Variants in AFAP1L2 observed in about 807,000 individuals in gnomAD.
AFAP1L2 encodes the protein actin filament-associated protein 1-like 2.
Under a neutral mutation model 99.3 loss-of-function variants are expected in AFAP1L2, and 46 were observed. The ratio of observed to expected loss-of-function variants is 0.46; its 90% CI spans 0.37 to 0.59. The LOEUF (loss-of-function observed/expected upper bound fraction) is 0.59. Ranked by LOEUF, AFAP1L2 falls within the 20% of genes least tolerant of loss-of-function variation. The pLI, the probability that AFAP1L2 is intolerant of heterozygous loss-of-function variation, is 0.00. For synonymous variants in AFAP1L2, 397 were observed against 419.1 expected, an observed-to-expected ratio of 0.95 and a Z score of 0.64; for missense variants, 959 against 1,034.9, an observed-to-expected ratio of 0.93 and a Z score of 1.01.
intron 1 of AFAP1L2, among the ~76,000 whole-genome samples, chr10:114,379,450 CA>C (rs2055301462): frequency 1.3e-5 from 2 of 152,048 alleles, no homozygotes; most frequent in Admixed American, 1.3e-4. Context: ...ACTATTTTCC[CA>C]TGATAAAAAA....
intron 11 of AFAP1L2, among the ~76,000 whole-genome samples, chr10:114,304,162 CAA>C (rs1277381208): frequency 2.6e-5 from 4 of 152,200 alleles, no homozygotes; most frequent in African/African-American, 9.7e-5. Context: ...ACCTCCACAT[CAA>C]AGACTAAGTG....
intron 4 of AFAP1L2, chr10:114,325,749 T>A (rs1227466587): frequency 1.1e-6 from 1 of 872,650 alleles, no homozygotes; most frequent in Non-Finnish European, 1.5e-6. Flanking sequence ...TGGTACAAGA[T>A]CTTTGCTCTC....
downstream of AFAP1L2, among the ~76,000 whole-genome samples, chr10:114,293,197 T>C (rs1031296035): frequency 6.6e-6 from 1 of 152,226 alleles, no homozygotes; most frequent in Non-Finnish European, 1.5e-5. Context: ...GATACTTTCA[T>C]TGATAACTTT....
chr10:114,294,701 C>T, downstream of AFAP1L2: 1 of 576,198 alleles, frequency 1.7e-6, no homozygotes, highest in Non-Finnish European at 2.2e-6. Flanking sequence ...CTCTTTGATT[C>T]AAGGAGGCTG....
intron 1 of AFAP1L2, among the ~76,000 whole-genome samples, chr10:114,367,446 C>G (rs2053442237): frequency 6.6e-6 from 1 of 152,156 alleles, no homozygotes; most frequent in Admixed American, 6.5e-5. Context: ...TCTCCACTGC[C>G]CACCCCTCCC....
intron 10 of AFAP1L2, among the ~76,000 whole-genome samples, chr10:114,305,506 GAT>G: frequency 7.0e-6 from 1 of 142,342 alleles, no homozygotes; most frequent in African/African-American, 2.6e-5. Flanking sequence ...TGCAGGAGGA[GAT>G]GCAGGAGGGG....
chr10:114,390,880 G>T, intron 1 of AFAP1L2, among the ~76,000 whole-genome samples: 1 of 152,178 alleles, frequency 6.6e-6, no homozygotes, highest in East Asian at 1.9e-4. Flanking sequence ...GGTGGTTTTG[G>T]TTGACCTGCC....
chr10:114,320,075 A>G (rs2044906384), intron 5 of AFAP1L2, among the ~76,000 whole-genome samples: 1 of 152,148 alleles, frequency 6.6e-6, no homozygotes, highest in Non-Finnish European at 1.5e-5. Flanking sequence ...ACACTGAAAT[A>G]CCCGAGTGAG....
intron 5 of AFAP1L2, chr10:114,319,732 A>G (rs141796548): frequency 1.0e-5 from 10 of 998,520 alleles, no homozygotes; most frequent in Non-Finnish European, 1.2e-5. Flanking sequence ...AGACACAAAG[A>G]GAGAGACCCA....
intron 1 of AFAP1L2, among the ~76,000 whole-genome samples, chr10:114,401,321 C>T (rs7069926): frequency 0.14 from 21,222 of 152,114 alleles, 2,011 homozygotes; most frequent in African/African-American, 0.27. Context: ...TGGCCCAGAC[C>T]CACTCACCAG....
chr10:114,336,382 T>A (rs2047978311), intron 2 of AFAP1L2, among the ~76,000 whole-genome samples: 1 of 152,252 alleles, frequency 6.6e-6, no homozygotes, highest in Admixed American at 6.5e-5. Flanking sequence ...GCATTCAGCA[T>A]CAGCACTGTG....
At chr10:114,322,722 C>T (rs77440463) in intron 5 of AFAP1L2, among the ~76,000 whole-genome samples, 1,767 of 152,220 alleles carry the variant, frequency 0.012, 36 homozygotes, top group African/African-American at 0.04. Context: ...CCTGACACAG[C>T]GGGAGCACCA....
intron 1 of AFAP1L2, among the ~76,000 whole-genome samples, chr10:114,343,930 AGAG>A (rs1463459094): frequency 1.3e-5 from 2 of 152,220 alleles, no homozygotes; most frequent in Non-Finnish European, 2.9e-5. Context: ...GAGCCGAACC[AGAG>A]AAGAACGGGA....
At chr10:114,394,570 CAG>C (rs1226049155) in intron 1 of AFAP1L2, among the ~76,000 whole-genome samples, 1 of 151,444 alleles carries the variant, frequency 6.6e-6, no homozygotes, top group African/African-American at 2.4e-5. Context: ...TAGAAAGAAA[CAG>C]AGTGAAAAAG....
chr10:114,330,797 G>A (rs2047119797), intron 4 of AFAP1L2, among the ~76,000 whole-genome samples: 1 of 152,196 alleles, frequency 6.6e-6, no homozygotes, highest in Admixed American at 6.5e-5. Flanking sequence ...ACACAAAATA[G>A]TAAACGAGAG....
At chr10:114,282,968 G>T in the AFAP1L2 span, among the ~76,000 whole-genome samples, 3 of 152,192 alleles carry the variant, frequency 2.0e-5, no homozygotes, top group African/African-American at 7.2e-5. Context: ...TGTGAAAGGG[G>T]GTCATCGTAT....
intron 1 of AFAP1L2, among the ~76,000 whole-genome samples, chr10:114,382,551 C>T (rs939792528): frequency 6.7e-6 from 1 of 148,554 alleles, no homozygotes; most frequent in Non-Finnish European, 1.5e-5. Flanking sequence ...TGATAGCACT[C>T]TATCAATTTA....
intron 18 of AFAP1L2, 98 bp from the exon 19 acceptor site, chr10:114,296,166 A>G (rs1420921539): frequency 6.5e-7 from 1 of 1,529,616 alleles, no homozygotes; most frequent in Non-Finnish European, 9.0e-7. Context: ...AATGTGAGAA[A>G]AACTATTTTA....
At chr10:114,368,980 C>T (rs940848954) in intron 1 of AFAP1L2, among the ~76,000 whole-genome samples, 8 of 152,000 alleles carry the variant, frequency 5.3e-5, no homozygotes, top group Non-Finnish European at 1.0e-4. Flanking sequence ...TTGCACCTGC[C>T]CTCAAGGAGT....
Sources: allele counts gnomAD v4.1 joint callset (sites outside exome capture counted in the v4.1 genomes callset), GRCh38; gene constraint gnomAD v4.1.1; transcripts MANE v1.5; gene names NCBI Gene and HGNC (gene_info 2026-07-23, HGNC 2026-07-21).